KIF6: variants seen among roughly 807,000 people sequenced by gnomAD.
KIF6 encodes kinesin family member 6, also known as kinesin-like protein KIF6.
KIF6 carries 106 observed loss-of-function variants against 112.7 expected under a neutral mutation model. That is an observed-to-expected ratio of 0.94 (90% CI 0.80 to 1.11). The LOEUF (loss-of-function observed/expected upper bound fraction) is 1.11. Among genes scored for constraint, KIF6 ranks in the 50% least tolerant of loss-of-function variants. The probability of loss-of-function intolerance (pLI) is 0.00; values close to 1 mark genes in which losing one functional copy is unlikely to be tolerated. For synonymous variants in KIF6, 339 were observed against 339.9 expected, an observed-to-expected ratio of 1.00 and a Z score of 0.03; for missense variants, 929 against 964.0, an observed-to-expected ratio of 0.96 and a Z score of 0.48.
intron 4 of KIF6, among the ~76,000 whole-genome samples, chr6:39,635,568 C>T (rs1411360966): frequency 6.6e-6 from 1 of 151,948 alleles, no homozygotes; most frequent in Non-Finnish European, 1.5e-5. Flanking sequence ...ATTTTCCTGG[C>T]CCAAGAGGGC....
intron 15 of KIF6, among the ~76,000 whole-genome samples, chr6:39,405,796 A>T (rs1769047587): frequency 6.6e-6 from 1 of 152,222 alleles, no homozygotes; most frequent in Admixed American, 6.5e-5. Context: ...AGAATACTAC[A>T]ATGAAACTCT....
rs2273063 is a variant in KIF6, at chr6:39,540,113, C to A, written c.1535G>T (p.Arg512Leu). The stretch of plus-strand genomic sequence containing the variant: ...TTGACCTTCTTCTGGGTTTCCTAGG[C>A]GGAAGGGTGGGCTCTGGGACTGTCT... ...EFRQSQSPPFRLGNPEEGQRM... is the reference protein window; with the variant it reads ...EFRQSQSPPFLLGNPEEGQRM... Residue 512 changes from arginine (R) to leucine (L), a missense_variant, in exon 13 of 23, where the codon CGC becomes CTC. Arg to Leu is a moderately radical substitution (Grantham distance 102, BLOSUM62 -2). Around this residue, in one of 2 missense-constraint regions of KIF6, gnomAD observed 688 missense variants for 662.7 expected, o/e 1.04. Transcript: ENST00000287152. The A allele has an allele frequency of 3.6e-5, 58 of 1,613,892 alleles. No individual in the cohort carries two copies. The highest frequency in any genetic ancestry group is 4.4e-5 in the Non-Finnish European group (52 of 1,179,974).
At chr6:39,650,766 A>G (rs1785427421) in intron 3 of KIF6, among the ~76,000 whole-genome samples, 1 of 152,156 alleles carries the variant, frequency 6.6e-6, no homozygotes, top group Non-Finnish European at 1.5e-5. Flanking sequence ...AATCGTGCAT[A>G]AAATCTGAAC....
chr6:39,361,045 C>T (rs1765094404), intron 17 of KIF6, among the ~76,000 whole-genome samples: 1 of 152,162 alleles, frequency 6.6e-6, no homozygotes, highest in Non-Finnish European at 1.5e-5. Flanking sequence ...AACTGCCTCA[C>T]CATTCCGCTG....
At chr6:39,358,492 C>T (rs1233215969) in intron 18 of KIF6, among the ~76,000 whole-genome samples, 5 of 152,244 alleles carry the variant, frequency 3.3e-5, no homozygotes, top group African/African-American at 1.2e-4. Flanking sequence ...CTTGCCTACT[C>T]TGGCTTTCGC....
In KIF6 at chr6:39,346,545, T is replaced by G. The variant is rs1290223105; in HGVS notation, c.2181-19A>C. The G allele has an allele frequency of 1.4e-6, 1 of 700,326 alleles. No homozygotes were observed. The highest frequency in any genetic ancestry group is 2.6e-6 in the Non-Finnish European group (1 of 382,212). 43.4% of individuals were successfully genotyped at this position (700,326 alleles called of 1,614,324 possible). A position where few individuals can be genotyped will look rare whatever the true frequency, so the allele number is the denominator to read the frequency against. ...TCCAGAACTGTGAAAAATAAACGTTTGTTGTTTGAGCCACTCAGTCTATAG... is the reference window on the plus strand; with the variant it reads ...TCCAGAACTGTGAAAAATAAACGTTGGTTGTTTGAGCCACTCAGTCTATAG... On this transcript the variant is annotated intron_variant, in intron 19 of 22. Coordinates refer to ENST00000287152, the MANE Select transcript of KIF6 (RefSeq NM_145027.6).
intron 19 of KIF6, among the ~76,000 whole-genome samples, chr6:39,355,876 C>T (rs908588326): frequency 4.6e-5 from 7 of 152,114 alleles, no homozygotes; most frequent in Middle Eastern, 6.8e-3. Flanking sequence ...CCAGCTTCCC[C>T]TATCGGGCAG....
chr6:39,455,069 G>T (rs1221267704), intron 13 of KIF6, among the ~76,000 whole-genome samples: 1 of 150,832 alleles, frequency 6.6e-6, no homozygotes, highest in African/African-American at 2.4e-5. Context: ...TGGGGGCAGG[G>T]CACAGACAAA....
intron 13 of KIF6, among the ~76,000 whole-genome samples, chr6:39,498,865 G>T (rs1391465031): frequency 3.3e-5 from 5 of 152,214 alleles, no homozygotes; most frequent in African/African-American, 7.2e-5. Context: ...ACCCCCCTTT[G>T]TAGGTAAATG....
chr6:39,405,597 T>C (rs1051270615), intron 15 of KIF6, among the ~76,000 whole-genome samples: 4 of 152,210 alleles, frequency 2.6e-5, no homozygotes, highest in African/African-American at 9.7e-5. Flanking sequence ...TTATATATTG[T>C]TGTATTCAAT....
rs573838562 is a variant in KIF6 at position 39,624,725 on chromosome 6, C to T, written c.509+10124G>A. 7.2e-5 allele frequency among the ~76,000 whole-genome samples: 11 copies of T among 152,250 alleles called. No individual in the cohort carries two copies. In the East Asian group the frequency reaches 1.9e-3, roughly 27 times the overall value. The stretch of plus-strand genomic sequence containing the variant: ...ATTGAGGTGACAGTGTTTTTCCTGT[C>T]ATTAATTCATGTCACTAAAAGCTCT... On this transcript the variant is annotated intron_variant, in intron 5 of 22. Transcript: ENST00000287152.
chr6:39,536,391 T>C (rs1318942470), intron 13 of KIF6, among the ~76,000 whole-genome samples: 3 of 151,916 alleles, frequency 2.0e-5, no homozygotes, highest in African/African-American at 4.8e-5. Flanking sequence ...ATATCACCAC[T>C]GATCCCACAG....
chr6:39,720,550 G>C, intron 2 of KIF6, 152 bp downstream of exon 2: 1 of 546,356 alleles, frequency 1.8e-6, no homozygotes, highest in Non-Finnish European at 3.3e-6. Flanking sequence ...CAGTGAAAAG[G>C]CAACTTGAGT....
At chr6:39,677,541 T>TTA (rs762633193) in intron 3 of KIF6, among the ~76,000 whole-genome samples, 1 of 140,294 alleles carries the variant, frequency 7.1e-6, no homozygotes, top group East Asian at 2.1e-4. Flanking sequence ...ATTTATTTAT[T>TTA]TTTATTTTAC....
At chr6:39,362,252 A>T (rs1335250409) in intron 17 of KIF6, among the ~76,000 whole-genome samples, 182 bp downstream of exon 17, 1 of 152,062 alleles carries the variant, frequency 6.6e-6, no homozygotes, top group African/African-American at 2.4e-5. Flanking sequence ...CTAACCTCAC[A>T]CTGCCTGGGG....
intron 13 of KIF6, among the ~76,000 whole-genome samples, chr6:39,502,764 G>C (rs1259290062): frequency 6.6e-6 from 1 of 152,172 alleles, no homozygotes; most frequent in African/African-American, 2.4e-5. Flanking sequence ...TTACGTAATG[G>C]TTAAAGGTTC....
chr6:39,634,110 G>A (rs943287061), intron 5 of KIF6, among the ~76,000 whole-genome samples: 1 of 152,072 alleles, frequency 6.6e-6, no homozygotes, highest in South Asian at 2.1e-4. Context: ...GGGAGAGAAT[G>A]AATATGTGTT....
intron 3 of KIF6, among the ~76,000 whole-genome samples, chr6:39,705,315 C>T (rs1289775641): frequency 3.3e-5 from 5 of 152,176 alleles, no homozygotes; most frequent in African/African-American, 1.2e-4. Flanking sequence ...ACGGACCACA[C>T]TTTGAGAACC....
chr6:39,637,846 C>T (rs1341529824), intron 4 of KIF6, among the ~76,000 whole-genome samples: 1 of 152,016 alleles, frequency 6.6e-6, no homozygotes, highest in Non-Finnish European at 1.5e-5. Context: ...CTCCAATGGG[C>T]TCGCTGCAAG....
Sources: allele counts gnomAD v4.1 joint callset (sites outside exome capture counted in the v4.1 genomes callset), GRCh38; gene constraint gnomAD v4.1.1; regional missense constraint gnomAD v4.1.1; transcripts MANE v1.5; gene names NCBI Gene and HGNC (gene_info 2026-07-23, HGNC 2026-07-21).